Variants in FLAD1 observed in about 807,000 individuals in gnomAD.
FLAD1 encodes bifunctional FAD diphosphatase/FAD synthase.
FLAD1 carries 35 observed loss-of-function variants against 55.0 expected under a neutral mutation model. The ratio of observed to expected loss-of-function variants is 0.64; its 90% confidence interval spans 0.49 to 0.84. The LOEUF is 0.84. Ranked by LOEUF, FLAD1 falls within the 40% of genes least tolerant of loss-of-function variation. The pLI is 0.00. For synonymous variants in FLAD1, 267 were observed against 303.0 expected (o/e 0.88, Z 1.23); for missense variants, 665 against 742.6 (o/e 0.90, Z 1.21).
intron 2 of FLAD1, chr1:154,989,125 CTGCATGGGGTGA>C (rs1657752258): frequency 1.4e-6 from 1 of 728,904 alleles, no homozygotes; most frequent in Admixed American, 3.0e-5. Context: ...ACAGGTGATC[CTGCATGGGGTGA>C]TGAAAGGAGT....
intron 5 of FLAD1, among the ~76,000 whole-genome samples, chr1:154,992,341 G>A (rs1371316526): frequency 1.3e-5 from 2 of 151,280 alleles, no homozygotes; most frequent in Non-Finnish European, 2.9e-5. Flanking sequence ...TACTCGGGAG[G>A]CTGAGGCAGG....
At chr1:154,987,019 A>G (rs1196969813) in intron 1 of FLAD1, among the ~76,000 whole-genome samples, 1 of 148,940 alleles carries the variant, frequency 6.7e-6, no homozygotes, top group African/African-American at 2.6e-5. Context: ...CCCTTACTCC[A>G]AAACACAGAC....
At chr1:154,984,694 G>A (rs1657485078) in intron 1 of FLAD1, among the ~76,000 whole-genome samples, 1 of 141,766 alleles carries the variant, frequency 7.1e-6, no homozygotes, top group African/African-American at 2.7e-5. Flanking sequence ...GGCAACAAGA[G>A]CGAAACTCCG....
In FLAD1 at chr1:154,988,393, T is replaced by C; in HGVS notation, c.661T>C (p.Ser221Pro). ...ALGGEGWEKL[S>P]LVPSSARLHY... ...AGGAGGGGAAGGCTGGGAGAAGCTA[T>C]CATTGGTGCCCTCCTCTGCCCGCCT... Residue 221 changes from serine (S) to proline (P), a missense_variant, in exon 2 of 7, where the codon TCA becomes CCA. Physicochemically the swap from Ser to Pro is moderately conservative, Grantham distance 74. Transcript: ENST00000292180. 6.2e-7 allele frequency: 1 copy of C among 1,614,168 alleles called. No homozygotes were observed. Among genetic ancestry groups the C allele is most frequent in the Non-Finnish European group, 8.5e-7 (1 of 1,180,026 alleles).
Position 154,983,991 on chromosome 1 carries a change from A to G in FLAD1, c.297A>G (p.Thr99=). Residue 99 remains threonine (T), a synonymous_variant, in exon 1 of 7, where the codon ACA becomes ACG. Transcript: ENST00000292180. ...GGGGCAGAGAAGGCAGGACCATGAC[A>G]TCTAGGGCCTCTGAACTTTCTCCGG... ...LQRGREGRTM[T]SRASELSPGR... 6.5e-7 allele frequency: 1 copy of G among 1,529,106 alleles called. No homozygotes were observed. Among genetic ancestry groups the G allele is most frequent in the Non-Finnish European group, 8.8e-7 (1 of 1,139,424 alleles). The allele number at this position is 1,529,106 out of a possible 1,614,324, so 94.7% of individuals were successfully genotyped here.
At chr1:154,990,133 G>T in intron 3 of FLAD1, 26 bp from the exon 4 acceptor site, 1 of 1,575,140 alleles carries the variant, frequency 6.3e-7, no homozygotes, top group Non-Finnish European at 8.7e-7. Flanking sequence ...ATGCTCACAA[G>T]CCTGTGGATT....
At position 154,989,719 on chromosome 1, in the gene FLAD1, C is replaced by G; in HGVS notation, c.1265+12C>G. 1 of 1,497,490 alleles carries G rather than the reference C, an allele frequency of 6.7e-7. No individual in the cohort carries two copies. The highest frequency in any genetic ancestry group is 8.9e-7 in the Non-Finnish European group (1 of 1,120,100). 92.8% of individuals were successfully genotyped at this position (1,497,490 alleles called of 1,614,324 possible). ...GCAGCTGTGCAGAGGTGAGCCTGCC[C>G]CCGGGAGACAAGACCCCTGATCTGT... On this transcript the variant is annotated intron_variant, in intron 3 of 6. Coordinates refer to ENST00000292180, the MANE Select transcript of FLAD1 (RefSeq NM_025207.5).
intron 1 of FLAD1, among the ~76,000 whole-genome samples, chr1:154,985,087 C>A (rs538820547): frequency 1.4e-5 from 2 of 139,494 alleles, no homozygotes; most frequent in East Asian, 4.1e-4. Flanking sequence ...CACTATGTTG[C>A]CCAGGCTGGT....
intron 3 of FLAD1, 97 bp from the exon 4 acceptor site, chr1:154,990,061 AG>A (rs1409832869): frequency 2.5e-5 from 24 of 964,990 alleles, no homozygotes; most frequent in Non-Finnish European, 3.6e-5. Flanking sequence ...AGAAGGGGTG[AG>A]AGTCTGTCCT....
rs1229697945 is a variant in FLAD1, at chr1:154,988,863, G to A, written c.1117+14G>A. The A allele has an allele frequency of 6.2e-7, 1 of 1,613,978 alleles. No individual in the cohort carries two copies. Among genetic ancestry groups the A allele is most frequent in the South Asian group, 1.1e-5 (1 of 91,086 alleles). On this transcript the variant is annotated intron_variant, in intron 2 of 6. Transcript: ENST00000292180. Reference sequence around the variant, plus strand: ...TCGCTGAATCAGGTAGGGACCTTATGGAGGAGGGGCATTATGCCCAAAGCC... The same window carrying A: ...TCGCTGAATCAGGTAGGGACCTTATAGAGGAGGGGCATTATGCCCAAAGCC...
chr1:154,992,362 G>A (rs1407122755), intron 5 of FLAD1, among the ~76,000 whole-genome samples: 5 of 140,540 alleles, frequency 3.6e-5, no homozygotes, highest in Non-Finnish European at 4.7e-5. Flanking sequence ...AGAATGGCAT[G>A]AACCCGGGAG....
rs1188163375 is a variant in FLAD1, at chr1:154,983,945, G to A, written c.251G>A (p.Gly84Asp). The A allele has an allele frequency of 1.2e-6, 2 of 1,601,180 alleles. No individual in the cohort carries two copies. Among genetic ancestry groups the A allele is most frequent in the Non-Finnish European group, 1.7e-6 (2 of 1,172,554 alleles). ...CLRPLFGGLG[G>D]YWRALQRGRE... Reference sequence around the variant, plus strand: ...CGACCCCTATTTGGGGGTCTGGGTGGCTACTGGAGGGCCTTGCAGAGGGGC... The same window carrying A: ...CGACCCCTATTTGGGGGTCTGGGTGACTACTGGAGGGCCTTGCAGAGGGGC... Residue 84 changes from glycine (G) to aspartate (D), a missense_variant, in exon 1 of 7, where the codon GGC becomes GAC. Transcript: ENST00000292180.
chr1:154,986,671 A>G (rs989873548), intron 1 of FLAD1, among the ~76,000 whole-genome samples: 2 of 149,084 alleles, frequency 1.3e-5, no homozygotes, highest in Middle Eastern at 3.6e-3. Flanking sequence ...TGATGGGATT[A>G]CAGGCATGAG....
chr1:154,985,031 ATTTTTTTTTTT>A (rs749772991), intron 1 of FLAD1, among the ~76,000 whole-genome samples: 18 of 32,552 alleles, frequency 5.5e-4, no homozygotes, highest in African/African-American at 1.2e-3. Context: ...CACCTGGCTA[ATTTTTTTTTTT>A]TTTTTTTTTT....
intron 2 of FLAD1, among the ~76,000 whole-genome samples, chr1:154,989,254 C>A (rs1197895905): frequency 1.3e-5 from 2 of 152,012 alleles, no homozygotes; most frequent in Non-Finnish European, 2.9e-5. Flanking sequence ...TGGGCAAGAG[C>A]CAACAGTATG....
At chr1:154,989,981 A>G (rs1472188650) in intron 3 of FLAD1, among the ~76,000 whole-genome samples, 178 bp from the exon 4 acceptor site, 1 of 152,090 alleles carries the variant, frequency 6.6e-6, no homozygotes, top group Non-Finnish European at 1.5e-5. Context: ...CTTAGATTTG[A>G]GAGGTGAAAG....
intron 1 of FLAD1, among the ~76,000 whole-genome samples, chr1:154,986,019 CTGTGTGTGTGTGTGTGTGTGTGTGTG>C (rs57098553): frequency 7.0e-6 from 1 of 143,042 alleles, no homozygotes; most frequent in Non-Finnish European, 1.5e-5. Flanking sequence ...CTGCGCCCGG[CTGTGTGTGTGTGTGTGTGTGTGTGTG>C]TGTGTGTGTG....
intron 5 of FLAD1, among the ~76,000 whole-genome samples, chr1:154,992,351 G>A (rs1657913320): frequency 1.3e-5 from 2 of 151,366 alleles, no homozygotes; most frequent in South Asian, 4.2e-4. Context: ...GCTGAGGCAG[G>A]AGAATGGCAT....
In FLAD1 at chr1:154,983,717, G is replaced by A; in HGVS notation, c.23G>A (p.Arg8His). Reference protein sequence around the residue: MGWDLGTRLFQRQEQRSR... With the variant: MGWDLGTHLFQRQEQRSR... Reference sequence around the variant, plus strand: ...GACATGGGTTGGGATTTGGGAACACGTTTATTCCAGAGGCAGGAACAAAGG... The same window carrying A: ...GACATGGGTTGGGATTTGGGAACACATTTATTCCAGAGGCAGGAACAAAGG... Residue 8 changes from arginine (R) to histidine (H), a missense_variant, in exon 1 of 7, where the codon CGT (arginine) becomes CAT (histidine). Transcript: ENST00000292180. The A allele has an allele frequency of 1.2e-6, 2 of 1,612,916 alleles. No individual in the cohort carries two copies. The highest frequency in any genetic ancestry group is 1.7e-6 in the Non-Finnish European group (2 of 1,179,160).
Sources: gnomAD v4.1 joint callset for allele counts (sites outside exome capture counted in the v4.1 genomes callset) on GRCh38, gnomAD v4.1.1 for gene constraint, MANE v1.5 for transcripts, NCBI Gene and HGNC (gene_info 2026-07-23, HGNC 2026-07-21) for gene names.